The following STARD10 variants were observed in gnomAD, a reference collection of about 807,000 sequenced individuals.
STARD10 encodes the protein StAR related lipid transfer domain containing 10, also known as START domain-containing protein 10.
A neutral mutation model predicts 36.0 loss-of-function variants in STARD10; 24 were observed. The observed-to-expected ratio is 0.67, with a 90% CI of 0.48 to 0.94. The LOEUF is 0.94. Among genes scored for constraint, STARD10 ranks in the 40% least tolerant of loss-of-function variants. STARD10 has a pLI of 0.00. For missense variants in STARD10, 335 were observed against 396.6 expected (o/e 0.84, Z 1.32); for synonymous variants, 156 against 161.9 (o/e 0.96, Z 0.28).
chr11:72,772,567 T>C (rs994304387), intron 2 of STARD10, among the ~76,000 whole-genome samples: 1 of 152,170 alleles, frequency 6.6e-6, no homozygotes, highest in Non-Finnish European at 1.5e-5. Context: ...AGCCACATCC[T>C]CTTCTCTGTC....
chr11:72,758,176 C>T (rs1443887210), intron 4 of STARD10, among the ~76,000 whole-genome samples: 1 of 152,226 alleles, frequency 6.6e-6, no homozygotes, highest in African/African-American at 2.4e-5. Flanking sequence ...CTTGCCCAGG[C>T]CAGCTATACC....
intron 2 of STARD10, among the ~76,000 whole-genome samples, chr11:72,767,988 TCC>T (rs1465708724): frequency 2.6e-5 from 4 of 151,740 alleles, no homozygotes; most frequent in African/African-American, 9.7e-5. Flanking sequence ...GGGGAACACC[TCC>T]CACTAACCCC....
At chr11:72,783,515 C>A (rs1859031177) in intron 1 of STARD10, 1 of 152,716 alleles carries the variant, frequency 6.5e-6, no homozygotes, top group African/African-American at 2.4e-5. Context: ...CACTGCCCCT[C>A]CCCAGGCCTC....
At chr11:72,759,099 C>A (rs1858684228) in intron 3 of STARD10, 135 bp downstream of exon 3, 1 of 1,067,376 alleles carries the variant, frequency 9.4e-7, no homozygotes, top group Non-Finnish European at 1.4e-6. Context: ...GAGGGCAGCT[C>A]TATCTCTCAG....
intron 1 of STARD10, among the ~76,000 whole-genome samples, chr11:72,787,523 C>T (rs2135040967): frequency 1.3e-5 from 2 of 152,362 alleles, no homozygotes; most frequent in East Asian, 3.9e-4. Flanking sequence ...GTGGATTCTC[C>T]TTCCGGAGGG....
Position 72,773,985 on chromosome 11 carries a change from C to T in STARD10, c.207+6990G>A, listed in dbSNP as rs1442879783. Reference sequence around the variant, plus strand: ...GCATGCATGTATGCAAGTGGAGACACACAAGGGAACTCCATCCTTCTGGCT... The same window carrying T: ...GCATGCATGTATGCAAGTGGAGACATACAAGGGAACTCCATCCTTCTGGCT... On this transcript the variant is annotated intron_variant, in intron 2 of 6. Transcript: ENST00000334805. 2.0e-5 allele frequency among the ~76,000 whole-genome samples: 3 copies of T among 152,190 alleles called. No homozygotes were observed. The East Asian group carries it at 5.8e-4, about 29-fold the overall frequency.
At chr11:72,775,186 C>T (rs776082457) in intron 2 of STARD10, among the ~76,000 whole-genome samples, 1 of 152,236 alleles carries the variant, frequency 6.6e-6, no homozygotes, top group Non-Finnish European at 1.5e-5. Context: ...GTGCGCACAT[C>T]GCAAAGAGTT....
intron 3 of STARD10, 50 bp from the exon 4 acceptor site, chr11:72,758,683 C>A (rs1408223053): frequency 1.4e-6 from 2 of 1,410,954 alleles, no homozygotes; most frequent in Admixed American, 3.5e-5. Context: ...CACCTGCCTA[C>A]AAGGGAGGGT....
chr11:72,778,413 T>C (rs545711573), intron 2 of STARD10, among the ~76,000 whole-genome samples: 1 of 152,250 alleles, frequency 6.6e-6, no homozygotes, highest in African/African-American at 2.4e-5. Flanking sequence ...TTATCAGAAA[T>C]GGGATTATCT....
Position 72,754,918 on chromosome 11 carries a change from G to C in STARD10, c.855C>G (p.Asp285Glu), listed in dbSNP as rs1244624340. Reference protein sequence around the residue: ...RMGGAGGEGSDDDTSLT With the variant: ...RMGGAGGEGSEDDTSLT ...GCGCTCAGGTGAGCGAGGTGTCGTC[G>C]TCGCTGCCCTCGCCGCCCGCGCCGC... Residue 285 changes from aspartate to glutamate, a missense_variant, in exon 7 of 7, where the codon GAC (aspartate) becomes GAG (glutamate). By Grantham distance (45) the Asp-to-Glu change is conservative. Transcript: ENST00000334805. 1.2e-6 allele frequency: 2 copies of C among 1,600,568 alleles called. No individual in the cohort carries two copies. Among genetic ancestry groups the C allele is most frequent in the Middle Eastern group, 1.7e-4 (1 of 6,024 alleles).
chr11:72,755,152 C>A lies in STARD10; in HGVS notation c.631-10G>T. 6.2e-7 allele frequency: 1 copy of A among 1,605,718 alleles called. No individual in the cohort carries two copies. The highest frequency in any genetic ancestry group is 1.1e-5 in the South Asian group (1 of 90,220). On this transcript the variant is annotated splice_polypyrimidine_tract_variant and intron_variant, in intron 6 of 6. Coordinates refer to ENST00000334805, the MANE Select transcript of STARD10 (RefSeq NM_006645.3). ...ACATCTTCTTCATGGCCTGTGGGCC[C>A]GCCGCCCCGCCGGGTCAGGGGGTGG...
At chr11:72,757,145 CAAAAAAAAAA>C (rs34839119) in intron 5 of STARD10, among the ~76,000 whole-genome samples, 5 of 102,188 alleles carry the variant, frequency 4.9e-5, no homozygotes, top group Non-Finnish European at 1.0e-4. Context: ...AACTCTGTCT[CAAAAAAAAAA>C]AAAAAAAAAA....
intron 2 of STARD10, among the ~76,000 whole-genome samples, chr11:72,760,611 C>A (rs1261344444): frequency 6.6e-6 from 1 of 152,182 alleles, no homozygotes; most frequent in Non-Finnish European, 1.5e-5. Context: ...TTTTATTTAA[C>A]CCCCTCACCA....
At chr11:72,769,917 G>A (rs1858836119) in intron 2 of STARD10, among the ~76,000 whole-genome samples, 1 of 152,152 alleles carries the variant, frequency 6.6e-6, no homozygotes, top group Admixed American at 6.5e-5. Context: ...TGCACCTTCA[G>A]AACCCAGACA....
In STARD10 at chr11:72,781,282, A is replaced by C; in HGVS notation, c.-101T>G. ...CGACGCGGCTGCAGATGCTGACGCC[A>C]CCTTCCTGGGACCTGCAAGACCGGT... is the stretch of plus-strand genomic sequence containing the variant. On this transcript the variant is annotated 5_prime_UTR_variant, in exon 2 of 7. Transcript: ENST00000334805. The surrounding 1 kb of genome is among the most constrained non-coding windows in gnomAD (Gnocchi z 4.7). 7.7e-6 allele frequency: 8 copies of C among 1,037,482 alleles called. No homozygotes were observed. The highest frequency in any genetic ancestry group is 1.1e-5 in the Non-Finnish European group (8 of 708,410). The allele number at this position is 1,037,482 out of a possible 1,614,324, so 64.3% of individuals were successfully genotyped here. A position where few individuals can be genotyped will look rare whatever the true frequency, so the allele number is the denominator to read the frequency against.
intron 2 of STARD10, among the ~76,000 whole-genome samples, chr11:72,776,500 A>G (rs1313246784): frequency 2.6e-5 from 4 of 152,148 alleles, no homozygotes; most frequent in African/African-American, 9.7e-5. Flanking sequence ...CCACAATGAC[A>G]CAGCACAGGG....
intron 2 of STARD10, among the ~76,000 whole-genome samples, chr11:72,778,685 G>A (rs528501232): frequency 2.6e-5 from 4 of 152,340 alleles, no homozygotes; most frequent in African/African-American, 9.6e-5. Flanking sequence ...CCAAGATGCT[G>A]TAGATCTGGG....
At chr11:72,772,433 C>T (rs1458931109) in intron 2 of STARD10, among the ~76,000 whole-genome samples, 1 of 152,186 alleles carries the variant, frequency 6.6e-6, no homozygotes, top group East Asian at 1.9e-4. Flanking sequence ...CTGGACTTGT[C>T]CCTTATGCTC....
At chr11:72,772,770 T>C (rs1858879790) in intron 2 of STARD10, among the ~76,000 whole-genome samples, 3 of 152,166 alleles carry the variant, frequency 2.0e-5, no homozygotes, top group African/African-American at 4.8e-5. Context: ...CCTGAACCCC[T>C]GCCACAGGGG....
Sources: allele counts gnomAD v4.1 joint callset (sites outside exome capture counted in the v4.1 genomes callset), GRCh38; gene constraint gnomAD v4.1.1; non-coding constraint Gnocchi (gnomAD v3.1); transcripts MANE v1.5; gene names NCBI Gene and HGNC (gene_info 2026-07-23, HGNC 2026-07-21).